Variants in DGKB observed in about 807,000 individuals in gnomAD.
The protein encoded by DGKB is diacylglycerol kinase beta, also known as 90 kDa diacylglycerol kinase.
Under a neutral mutation model 114.3 loss-of-function variants are expected in DGKB, and 67 were observed. The observed-to-expected ratio is 0.59, with a 90% CI of 0.48 to 0.72. The LOEUF (loss-of-function observed/expected upper bound fraction) is 0.72. Ranked by LOEUF, DGKB falls within the 30% of genes least tolerant of loss-of-function variation. The pLI, the probability that DGKB is intolerant of heterozygous loss-of-function variation, is 0.00. For synonymous variants in DGKB, 398 were observed against 323.1 expected, an observed-to-expected ratio of 1.23 and a Z score of -2.49; for missense variants, 907 against 975.2, an observed-to-expected ratio of 0.93 and a Z score of 0.93.
At chr7:14,397,733 T>C (rs574131776) in intron 21 of DGKB, among the ~76,000 whole-genome samples, 5 of 152,266 alleles carry the variant, frequency 3.3e-5, no homozygotes, top group African/African-American at 4.8e-5. Context: ...TCATGTTGCT[T>C]CTCTTGTACT....
intron 13 of DGKB, among the ~76,000 whole-genome samples, chr7:14,667,355 T>C (rs1424572533): frequency 6.6e-6 from 1 of 151,996 alleles, no homozygotes; most frequent in Non-Finnish European, 1.5e-5. Flanking sequence ...CCACGCTGTA[T>C]TTATAGAGGT....
At chr7:14,433,144 C>G (rs775365302) in intron 21 of DGKB, among the ~76,000 whole-genome samples, 1 of 152,104 alleles carries the variant, frequency 6.6e-6, no homozygotes, top group African/African-American at 2.4e-5. Context: ...GGGAGCACGT[C>G]GTATCTATTG....
chr7:14,258,611 A>T (rs913769852), intron 23 of DGKB, among the ~76,000 whole-genome samples: 3 of 152,178 alleles, frequency 2.0e-5, no homozygotes, highest in African/African-American at 7.2e-5. Flanking sequence ...AAGGAATGGG[A>T]GGGAACAACC....
intron 21 of DGKB, among the ~76,000 whole-genome samples, chr7:14,439,777 T>C (rs950949172): frequency 1.3e-5 from 2 of 151,248 alleles, no homozygotes; most frequent in Non-Finnish European, 2.9e-5. Flanking sequence ...GGCAGGAGAA[T>C]TGCTTGAGCC....
At chr7:14,639,661 C>A (rs185547652) in intron 13 of DGKB, among the ~76,000 whole-genome samples, 1 of 152,196 alleles carries the variant, frequency 6.6e-6, no homozygotes. Flanking sequence ...CCTAAAGGTA[C>A]GGGCCAAGGC....
At chr7:14,343,594 C>G (rs1018311510) in intron 22 of DGKB, among the ~76,000 whole-genome samples, 6 of 151,300 alleles carry the variant, frequency 4.0e-5, no homozygotes, top group African/African-American at 1.2e-4. Context: ...TAAATCTGTG[C>G]TCAAGGGTAG....
At chr7:14,198,816 T>A (rs1785401122) in intron 23 of DGKB, among the ~76,000 whole-genome samples, 1 of 151,974 alleles carries the variant, frequency 6.6e-6, no homozygotes, top group African/African-American at 2.4e-5. Context: ...ATGTTGGATT[T>A]GGAAAAGTCT....
chr7:14,540,144 A>G (rs1793185652), intron 20 of DGKB, among the ~76,000 whole-genome samples: 1 of 152,110 alleles, frequency 6.6e-6, no homozygotes, highest in Non-Finnish European at 1.5e-5. Flanking sequence ...CAATAGTATC[A>G]TTTAATAAAG....
intron 1 of DGKB, among the ~76,000 whole-genome samples, chr7:14,874,886 A>G (rs1372162408): frequency 1.3e-5 from 2 of 152,170 alleles, no homozygotes; most frequent in Non-Finnish European, 2.9e-5. Context: ...CAAAAGAAGT[A>G]GGAAAAAACA....
At chr7:14,474,998 C>CTT (rs1307538744) in intron 21 of DGKB, among the ~76,000 whole-genome samples, 2 of 152,062 alleles carry the variant, frequency 1.3e-5, no homozygotes, top group Admixed American at 1.3e-4. Context: ...CTAGCACTCT[C>CTT]TTAAGCAACG....
In DGKB at chr7:14,887,540, C is replaced by T. The variant is rs551256984; in HGVS notation, c.-188+15052G>A. Among the ~76,000 whole-genome samples, 22 of 151,894 alleles carry T rather than the reference C, an allele frequency of 1.4e-4. 1 individual carries two copies. In the East Asian group the frequency reaches 2.9e-3, roughly 20 times the overall value. On this transcript the variant is annotated intron_variant, in intron 1 of 25. Transcript: ENST00000402815. ...ACTCCCAGATTTTTGTCTCCAACAA[C>T]TCCCCTTAATTTCAGCCTCATATAA...
intron 1 of DGKB, among the ~76,000 whole-genome samples, chr7:14,937,268 G>C (rs1785322807): frequency 6.6e-6 from 1 of 151,452 alleles, no homozygotes; most frequent in African/African-American, 2.4e-5. Flanking sequence ...TTCAAATTCT[G>C]ATTTATATAA....
At chr7:14,219,809 G>C (rs1333887442) in intron 23 of DGKB, among the ~76,000 whole-genome samples, 1 of 151,430 alleles carries the variant, frequency 6.6e-6, no homozygotes, top group Non-Finnish European at 1.5e-5. Context: ...TTCTTTTGTT[G>C]TTCATGCTGT....
chr7:14,942,502 C>T (rs1490439761), intron 1 of DGKB, among the ~76,000 whole-genome samples: 7 of 151,754 alleles, frequency 4.6e-5, no homozygotes, highest in East Asian at 3.9e-4. Context: ...TGGATGATTA[C>T]GGTCATAGTC....
intron 23 of DGKB, among the ~76,000 whole-genome samples, chr7:14,219,409 T>C (rs147961041): frequency 6.6e-6 from 1 of 152,020 alleles, no homozygotes; most frequent in African/African-American, 2.4e-5. Context: ...GGGTTATGAT[T>C]TCTCCACATT....
At chr7:14,660,624 T>G (rs1171353860) in intron 13 of DGKB, among the ~76,000 whole-genome samples, 1 of 152,006 alleles carries the variant, frequency 6.6e-6, no homozygotes. Context: ...TCTTTATTAG[T>G]CTTGCTAGCG....
At chr7:14,535,521 T>C (rs754088959) in intron 20 of DGKB, among the ~76,000 whole-genome samples, 2 of 152,084 alleles carry the variant, frequency 1.3e-5, no homozygotes, top group Admixed American at 6.6e-5. Context: ...TGCTGAAGAT[T>C]AGAACAGAAA....
chr7:14,199,710 C>A (rs1785546921), intron 23 of DGKB, among the ~76,000 whole-genome samples: 1 of 152,002 alleles, frequency 6.6e-6, no homozygotes, highest in African/African-American at 2.4e-5. Context: ...TGGCAGTGCA[C>A]TATAATGAAG....
intron 2 of DGKB, among the ~76,000 whole-genome samples, chr7:14,780,474 C>T (rs1351004436): frequency 6.6e-6 from 1 of 152,104 alleles, no homozygotes; most frequent in African/African-American, 2.4e-5. Context: ...GTGGCTGGCC[C>T]CTGAGAGAGC....
Sources: allele counts gnomAD v4.1 joint callset (sites outside exome capture counted in the v4.1 genomes callset), GRCh38; gene constraint gnomAD v4.1.1; transcripts MANE v1.5; gene names NCBI Gene and HGNC (gene_info 2026-07-23, HGNC 2026-07-21).